The following PRAC2 variants were observed in gnomAD, a reference collection of about 807,000 sequenced individuals.
The protein encoded by PRAC2 is PRAC2 small nuclear protein.
For synonymous variants in PRAC2, 43 were observed against 49.5 expected, an observed-to-expected ratio of 0.87 and a Z score of 0.55; for missense variants, 92 against 114.5, an observed-to-expected ratio of 0.80 and a Z score of 0.90.
Position 48,724,730 on chromosome 17 carries a change from C to T in PRAC2, c.*47C>T, listed in dbSNP as rs1447455365. ...CCACGTCTTTTTAATGGTCCTAACA[C>T]ACCAGTGGAATAAATCTCTAAGATT... On this transcript the variant is annotated 3_prime_UTR_variant, in exon 2 of 2. Transcript: ENST00000422730. 2 of 980,280 alleles carry T rather than the reference C, an allele frequency of 2.0e-6. No individual in the cohort carries two copies. Among genetic ancestry groups the T allele is most frequent in the Non-Finnish European group, 2.6e-6 (2 of 758,612 alleles). 60.7% of individuals were successfully genotyped at this position (980,280 alleles called of 1,614,324 possible).
chr17:48,720,112 C>T (rs1188161292), upstream of PRAC2, among the ~76,000 whole-genome samples: 1 of 152,190 alleles, frequency 6.6e-6, no homozygotes, highest in Non-Finnish European at 1.5e-5. Flanking sequence ...GGGTACGGAC[C>T]CCGCAGACCA....
intron 1 of PRAC2, 103 bp downstream of exon 1, chr17:48,723,416 A>C: frequency 3.2e-6 from 1 of 316,492 alleles, no homozygotes; most frequent in Non-Finnish European, 5.7e-6. Flanking sequence ...AAGGAAACCC[A>C]ATTAGAGTGC....
At chr17:48,719,972 A>G (rs2038129543), upstream of PRAC2, among the ~76,000 whole-genome samples, 1 of 152,096 alleles carries the variant, frequency 6.6e-6, no homozygotes, top group Non-Finnish European at 1.5e-5. Context: ...AAGTTCAATG[A>G]CAAAAACCTG....
Position 48,724,662 on chromosome 17 carries a change from G to T in PRAC2, c.252G>T (p.Pro84=). The change falls in exon 2 of 2, where the codon CCG becomes CCT. Residue 84 remains proline, a synonymous_variant. Coordinates refer to ENST00000422730, the MANE Select transcript of PRAC2 (RefSeq NM_001282275.2). ...PVAPRTMKAC[P]QVLLEW ...CTCCGCGGACGATGAAAGCCTGCCC[G>T]CAGGTTCTCCTGGAGTGGTGAGCCT... 1 of 1,232,186 alleles carries T rather than the reference G, an allele frequency of 8.1e-7. No individual in the cohort carries two copies. The highest frequency in any genetic ancestry group is 4.1e-5 in the South Asian group (1 of 24,318). The allele number at this position is 1,232,186 out of a possible 1,614,324, so 76.3% of individuals were successfully genotyped here. A position where few individuals can be genotyped will look rare whatever the true frequency, so the allele number is the denominator to read the frequency against.
In PRAC2 at chr17:48,724,559, A is replaced by G. The variant is rs2038184645; in HGVS notation, c.149A>G (p.Asn50Ser). The G allele has an allele frequency of 2.4e-6, 3 of 1,232,104 alleles. No homozygotes were observed. The highest frequency in any genetic ancestry group is 1.6e-5 in the African/African-American group (1 of 64,396). 76.3% of individuals were successfully genotyped at this position (1,232,104 alleles called of 1,614,324 possible). A position where few individuals can be genotyped will look rare whatever the true frequency, so the allele number is the denominator to read the frequency against. Residue 50 changes from asparagine (N) to serine (S), a missense_variant, in exon 2 of 2, where the codon AAT (asparagine) becomes AGT (serine). By Grantham distance (46) the Asn-to-Ser change is conservative. Coordinates refer to ENST00000422730, the MANE Select transcript of PRAC2 (RefSeq NM_001282275.2). Reference sequence around the variant, plus strand: ...ATACATCTGCCGATGCCCTGGCCGAATGGCAGGCGACATCGGGTCCTGGAC... The same window carrying G: ...ATACATCTGCCGATGCCCTGGCCGAGTGGCAGGCGACATCGGGTCCTGGAC... Reference protein sequence around the residue: ...GPIHLPMPWPNGRRHRVLDPH... With the variant: ...GPIHLPMPWPSGRRHRVLDPH...
upstream of PRAC2, among the ~76,000 whole-genome samples, chr17:48,720,540 T>A (rs2038135485): frequency 6.6e-6 from 1 of 152,218 alleles, no homozygotes; most frequent in African/African-American, 2.4e-5. Context: ...GGTCATGGAA[T>A]AAAATCCTCT....
At chr17:48,720,418 A>G (rs2038134255), upstream of PRAC2, among the ~76,000 whole-genome samples, 1 of 152,110 alleles carries the variant, frequency 6.6e-6, no homozygotes, top group Non-Finnish European at 1.5e-5. Context: ...TGATATTCCA[A>G]GCATCTTCTC....
At chr17:48,723,489 G>T (rs909364702) in intron 1 of PRAC2, among the ~76,000 whole-genome samples, 176 bp downstream of exon 1, 1 of 152,164 alleles carries the variant, frequency 6.6e-6, no homozygotes, top group East Asian at 1.9e-4. Flanking sequence ...GGGAAGAGAA[G>T]TTTGCTCTAG....
chr17:48,723,644 G>T, intron 1 of PRAC2: 4 of 1,168,776 alleles, frequency 3.4e-6, no homozygotes, highest in Non-Finnish European at 3.2e-6. Context: ...GCGGATTCTC[G>T]GCTGGCGGCG....
At chr17:48,723,545 G>C (rs542857631) in intron 1 of PRAC2, 1 of 443,602 alleles carries the variant, frequency 2.3e-6, no homozygotes, top group South Asian at 1.2e-4. Context: ...TGGGGGGCCT[G>C]GATGAGGCTT....
At chr17:48,724,746 CTCTAAGATTCCACA>C in exon 2 of PRAC2, 1 of 869,296 alleles carries the variant, frequency 1.2e-6, no homozygotes, top group Non-Finnish European at 1.5e-6. Context: ...TGGAATAAAT[CTCTAAGATTCCACA>C]TCTTTTGTTT....
upstream of PRAC2, among the ~76,000 whole-genome samples, chr17:48,722,089 C>T (rs1465117748): frequency 6.6e-6 from 1 of 152,178 alleles, no homozygotes; most frequent in Non-Finnish European, 1.5e-5. Flanking sequence ...TGCTGCGAAA[C>T]ATTTTCTTTG....
chr17:48,719,284 C>A (rs2038123535), upstream of PRAC2, among the ~76,000 whole-genome samples: 1 of 152,326 alleles, frequency 6.6e-6, no homozygotes, highest in Non-Finnish European at 1.5e-5. Flanking sequence ...GGCCGCTCCT[C>A]GCAGCCTCCG....
intron 1 of PRAC2, 68 bp from the exon 2 acceptor site, chr17:48,724,260 C>G (rs768519132): frequency 5.6e-6 from 5 of 885,376 alleles, no homozygotes; most frequent in Non-Finnish European, 7.4e-6. Flanking sequence ...AGGTGGGAGA[C>G]TAAAATTGGG....
upstream of PRAC2, chr17:48,722,483 C>T: frequency 8.9e-7 from 1 of 1,122,346 alleles, no homozygotes; most frequent in South Asian, 1.3e-5. Flanking sequence ...CTCCCAGTGG[C>T]GCTCTGTTTG....
At chr17:48,719,191 A>T (rs2038121407), upstream of PRAC2, among the ~76,000 whole-genome samples, 1 of 147,120 alleles carries the variant, frequency 6.8e-6, no homozygotes, top group South Asian at 2.1e-4. Flanking sequence ...CTTTAAACAC[A>T]CTCGCACGCG....
intron 1 of PRAC2, chr17:48,723,589 C>G (rs928626903): frequency 4.3e-6 from 3 of 699,428 alleles, no homozygotes; most frequent in Non-Finnish European, 6.0e-6. Flanking sequence ...GCTTCCGGCC[C>G]GGGAACTACT....
At chr17:48,721,988 A>G, upstream of PRAC2, 1 of 1,339,044 alleles carries the variant, frequency 7.5e-7, no homozygotes, top group Non-Finnish European at 1.0e-6. Context: ...ATCCCATTGG[A>G]GACAAACATT....
rs2038180359 is a variant in PRAC2, at chr17:48,724,363, G to GT, written c.-48_-47insT. 1 of 1,230,552 alleles carries GT rather than the reference G, an allele frequency of 8.1e-7. No individual in the cohort carries two copies. The highest frequency in any genetic ancestry group is 1.6e-5 in the African/African-American group (1 of 62,756). The allele number at this position is 1,230,552 out of a possible 1,614,324, so 76.2% of individuals were successfully genotyped here. A position where few individuals can be genotyped will look rare whatever the true frequency, so the allele number is the denominator to read the frequency against. ...AGTAAATCCGAAAAAAAGTGTGTGT[G>GT]GGGGGGTCCACACCACTAATTATTA... On this transcript the variant is annotated 5_prime_UTR_variant, in exon 2 of 2. Coordinates refer to ENST00000422730, the MANE Select transcript of PRAC2 (RefSeq NM_001282275.2).
Sources: gnomAD v4.1 joint callset for allele counts (sites outside exome capture counted in the v4.1 genomes callset) on GRCh38, gnomAD v4.1.1 for gene constraint, MANE v1.5 for transcripts, NCBI Gene and HGNC (gene_info 2026-07-23, HGNC 2026-07-21) for gene names.